MPRIP: variants seen among roughly 807,000 people sequenced by gnomAD.
MPRIP encodes the protein myosin phosphatase Rho-interacting protein.
In MPRIP, 59 loss-of-function variants were observed where a neutral mutation model predicts 234.9. The ratio of observed to expected loss-of-function variants is 0.25; its 90% CI spans 0.20 to 0.31. MPRIP has a LOEUF of 0.31. Ranked by LOEUF, MPRIP falls within the 10% of genes least tolerant of loss-of-function variation. MPRIP has a pLI of 1.00. For synonymous variants in MPRIP, 1,144 were observed against 1,263.9 expected, an observed-to-expected ratio of 0.91 and a Z score of 2.01; for missense variants, 2,436 against 3,071.0, an observed-to-expected ratio of 0.79 and a Z score of 4.89.
intron 3 of MPRIP, among the ~76,000 whole-genome samples, chr17:17,111,485 G>A (rs1204641714): frequency 6.6e-6 from 1 of 152,176 alleles, no homozygotes; most frequent in Non-Finnish European, 1.5e-5. Flanking sequence ...CATCTCCCCT[G>A]CAGCCTGGGC....
chr17:17,087,829 C>T (rs1182043098), intron 3 of MPRIP, among the ~76,000 whole-genome samples: 2 of 152,184 alleles, frequency 1.3e-5, no homozygotes, highest in African/African-American at 4.8e-5. Flanking sequence ...CCAAAAGTCC[C>T]CCTTCTTTGA....
At chr17:17,081,746 A>C (rs2089467125) in intron 3 of MPRIP, among the ~76,000 whole-genome samples, 1 of 152,188 alleles carries the variant, frequency 6.6e-6, no homozygotes. Context: ...GAAGCTGACC[A>C]TTGCCTCTCC....
chr17:17,051,475 A>T (rs73979057), intron 1 of MPRIP, among the ~76,000 whole-genome samples: 1 of 152,114 alleles, frequency 6.6e-6, no homozygotes, highest in Admixed American at 6.5e-5. Flanking sequence ...TCAAGCTTTC[A>T]TCAAAAGCAG....
chr17:17,091,660 C>T (rs1039234401), intron 3 of MPRIP, among the ~76,000 whole-genome samples: 13 of 152,196 alleles, frequency 8.5e-5, no homozygotes, highest in Non-Finnish European at 1.3e-4. Flanking sequence ...CCTTGCGGTC[C>T]TCCCGGCCCT....
rs746489991 is a variant in MPRIP, at chr17:17,165,789, G to A, written c.4198G>A (p.Val1400Met). The A allele has an allele frequency of 1.1e-5, 15 of 1,304,432 alleles. No individual in the cohort carries two copies. In the African/African-American group the frequency reaches 1.7e-4, roughly 15 times the overall value. The allele number at this position is 1,304,432 out of a possible 1,614,324, so 80.8% of individuals were successfully genotyped here. Reference sequence around the variant, plus strand: ...CGTCACAGAGGAAAAGCTCAAAGACGTGACCGTGAGGCTGGAGAGCCAGCA... The same window carrying A: ...CGTCACAGAGGAAAAGCTCAAAGACATGACCGTGAGGCTGGAGAGCCAGCA... ...LYVTEEKLKD[V>M]TVRLESQQGQ... The change falls in exon 16 of 24, where the codon GTG becomes ATG. Residue 1400 changes from valine (V) to methionine (M), a missense_variant. By Grantham distance (21) the Val-to-Met change is conservative. Transcript: ENST00000651222.
At chr17:17,075,635 C>A (rs1028957414) in intron 1 of MPRIP, 75 bp from the exon 2 acceptor site, 2 of 1,270,632 alleles carry the variant, frequency 1.6e-6, no homozygotes, top group African/African-American at 1.5e-5. Context: ...CCAGCGAGTG[C>A]TTGCTGTTAA....
At chr17:17,088,528 A>G (rs1567706905) in intron 3 of MPRIP, among the ~76,000 whole-genome samples, 1 of 152,234 alleles carries the variant, frequency 6.6e-6, no homozygotes, top group Non-Finnish European at 1.5e-5. Context: ...GCAAAGCCAC[A>G]TGGCTGGTGC....
At chr17:17,116,572 A>C (rs1473675729) in intron 3 of MPRIP, among the ~76,000 whole-genome samples, 4 of 152,208 alleles carry the variant, frequency 2.6e-5, no homozygotes, top group African/African-American at 4.8e-5. Flanking sequence ...GGTAGAACCC[A>C]TGGGCCTCTT....
At chr17:17,066,199 A>G (rs1034589796) in intron 1 of MPRIP, among the ~76,000 whole-genome samples, 2 of 152,238 alleles carry the variant, frequency 1.3e-5, no homozygotes, top group African/African-American at 2.4e-5. Flanking sequence ...GATGGCCATC[A>G]TTGCCTAGTT....
At chr17:17,120,471 C>T (rs1295378711) in intron 3 of MPRIP, among the ~76,000 whole-genome samples, 1 of 152,092 alleles carries the variant, frequency 6.6e-6, no homozygotes, top group African/African-American at 2.4e-5. Context: ...GACAGAGGAC[C>T]GGCAGGAGGA....
At chr17:17,146,997 T>G (rs2045481255) in intron 10 of MPRIP, among the ~76,000 whole-genome samples, 1 of 152,220 alleles carries the variant, frequency 6.6e-6, no homozygotes, top group Non-Finnish European at 1.5e-5. Flanking sequence ...GTCTGCAGCC[T>G]CTGTAGTTAC....
At chr17:17,080,026 G>C (rs2089426873) in intron 3 of MPRIP, among the ~76,000 whole-genome samples, 1 of 152,246 alleles carries the variant, frequency 6.6e-6, no homozygotes, top group African/African-American at 2.4e-5. Context: ...AGAAGTCCCA[G>C]GGAAAACTTG....
Position 17,042,552 on chromosome 17 carries a change from G to C in MPRIP, c.-297G>C, listed in dbSNP as rs1365326646. On this transcript the variant is annotated 5_prime_UTR_variant, in exon 1 of 24. Coordinates refer to ENST00000651222, the MANE Select transcript of MPRIP (RefSeq NM_001364716.4). ...ACGAGCCGGGACGGCGGCGACCGGA[G>C]CCTGAGAGGCGGGCCGCAGCGGGAA... The C allele has an allele frequency of 6.8e-6, 1 of 148,066 alleles. No individual in the cohort carries two copies. Among genetic ancestry groups the C allele is most frequent in the South Asian group, 1.9e-4 (1 of 5,160 alleles). 9.2% of individuals were successfully genotyped at this position (148,066 alleles called of 1,614,324 possible).
intron 18 of MPRIP, 167 bp from the exon 19 acceptor site, chr17:17,173,749 C>A: frequency 1.3e-6 from 1 of 778,876 alleles, no homozygotes; most frequent in East Asian, 2.7e-5. Context: ...GGGCGTGAGG[C>A]CATCTCTGTA....
At chr17:17,114,682 T>TC (rs1184334663) in intron 3 of MPRIP, among the ~76,000 whole-genome samples, 4 of 146,584 alleles carry the variant, frequency 2.7e-5, no homozygotes, top group Non-Finnish European at 6.0e-5. Flanking sequence ...TTCCCATGCC[T>TC]CTCCTACCTT....
intron 3 of MPRIP, among the ~76,000 whole-genome samples, chr17:17,122,261 A>G (rs1205148224): frequency 6.6e-6 from 1 of 151,832 alleles, no homozygotes; most frequent in Admixed American, 6.6e-5. Context: ...ACTAATTTAC[A>G]CTCCCACCAA....
chr17:17,069,003 A>T (rs1318145029), intron 1 of MPRIP, among the ~76,000 whole-genome samples: 1 of 152,116 alleles, frequency 6.6e-6, no homozygotes, highest in Non-Finnish European at 1.5e-5. Flanking sequence ...GGACTGCTTT[A>T]ATTGTGTTAT....
At chr17:17,113,580 A>G (rs1039521853) in intron 3 of MPRIP, among the ~76,000 whole-genome samples, 2 of 152,174 alleles carry the variant, frequency 1.3e-5, no homozygotes, top group Non-Finnish European at 2.9e-5. Context: ...TCTGTTGGCT[A>G]TTGTGAATAA....
In MPRIP at chr17:17,176,324, C is replaced by T. The variant is rs999726145; in HGVS notation, c.6871-102C>T. Reference sequence around the variant, plus strand: ...TTGGGCACCACGAGGCTGCCCTGCTCACTGGTGATTGGAGAGCCCTCTGCA... The same window carrying T: ...TTGGGCACCACGAGGCTGCCCTGCTTACTGGTGATTGGAGAGCCCTCTGCA... On this transcript the variant is annotated intron_variant, in intron 20 of 23. Transcript: ENST00000651222. 2.7e-5 allele frequency: 23 copies of T among 857,934 alleles called. No homozygotes were observed. The African/African-American group carries it at 3.3e-4, about 12-fold the overall frequency. The allele number at this position is 857,934 out of a possible 1,614,324, so 53.1% of individuals were successfully genotyped here. A position where few individuals can be genotyped will look rare whatever the true frequency, so the allele number is the denominator to read the frequency against.
Sources: allele counts gnomAD v4.1 joint callset (sites outside exome capture counted in the v4.1 genomes callset), GRCh38; gene constraint gnomAD v4.1.1; transcripts MANE v1.5; gene names NCBI Gene and HGNC (gene_info 2026-07-23, HGNC 2026-07-21).